The following SLC25A26 variants were observed in gnomAD, a reference collection of about 807,000 sequenced individuals.
The protein encoded by SLC25A26 is mitochondrial S-adenosylmethionine carrier protein.
In SLC25A26, 36 loss-of-function variants were observed where a neutral mutation model predicts 37.8. The ratio of observed to expected loss-of-function variants is 0.95; its 90% confidence interval spans 0.73 to 1.26. The LOEUF (loss-of-function observed/expected upper bound fraction) is 1.26, where lower values mean the gene tolerates loss of function less well. Among genes scored for constraint, SLC25A26 ranks in the 50% most tolerant of loss-of-function variants. SLC25A26 has a pLI of 0.00. For missense variants in SLC25A26, 390 were observed against 331.1 expected (o/e 1.18, Z -1.38); for synonymous variants, 129 against 122.5 (o/e 1.05, Z -0.35).
At chr3:66,273,697 G>T (rs924745057) in intron 5 of SLC25A26, among the ~76,000 whole-genome samples, 1 of 152,116 alleles carries the variant, frequency 6.6e-6, no homozygotes, top group Non-Finnish European at 1.5e-5. Flanking sequence ...TACAAGGGAC[G>T]TGAAGGACCT....
At chr3:66,192,265 G>A (rs922689699) in intron 1 of SLC25A26, among the ~76,000 whole-genome samples, 16,415 of 142,884 alleles carry the variant, frequency 0.11, 1,017 homozygotes, top group Middle Eastern at 0.19. Context: ...GCAGTGAGCC[G>A]AGATTGCACC....
At chr3:66,320,018 A>G (rs1361030876) in intron 5 of SLC25A26, among the ~76,000 whole-genome samples, 2 of 152,108 alleles carry the variant, frequency 1.3e-5, no homozygotes, top group Non-Finnish European at 2.9e-5. Context: ...AGTGCTGGAA[A>G]GCAATTTAAT....
At chr3:66,217,820 G>A (rs1245521217), upstream of SLC25A26, among the ~76,000 whole-genome samples, 1 of 152,220 alleles carries the variant, frequency 6.6e-6, no homozygotes, top group Non-Finnish European at 1.5e-5. Flanking sequence ...AAAGTGCTGA[G>A]ATTACAGGTA....
chr3:66,210,451 G>A (rs1262627083), intron 1 of SLC25A26, among the ~76,000 whole-genome samples: 1 of 152,112 alleles, frequency 6.6e-6, no homozygotes, highest in Non-Finnish European at 1.5e-5. Context: ...GAAGGATAAT[G>A]AGAAATGTGG....
At chr3:66,295,425 A>C in intron 5 of SLC25A26, among the ~76,000 whole-genome samples, 1 of 134,124 alleles carries the variant, frequency 7.5e-6, no homozygotes, top group East Asian at 2.2e-4. Flanking sequence ...TTTTTTTGAG[A>C]TGGAGTCTCG....
chr3:66,303,323 A>G (rs961202740), intron 5 of SLC25A26, among the ~76,000 whole-genome samples: 1 of 152,136 alleles, frequency 6.6e-6, no homozygotes, highest in African/African-American at 2.4e-5. Context: ...AGCCACCTTT[A>G]AGGAAAGACT....
chr3:66,338,199 T>C (rs2076133581), intron 5 of SLC25A26, among the ~76,000 whole-genome samples: 1 of 152,088 alleles, frequency 6.6e-6, no homozygotes, highest in African/African-American at 2.4e-5. Context: ...ATTGTATTAC[T>C]AATATTCCTT....
chr3:66,179,981 G>A (rs1308571607), intron 1 of SLC25A26, among the ~76,000 whole-genome samples: 5 of 152,134 alleles, frequency 3.3e-5, no homozygotes, highest in Non-Finnish European at 5.9e-5. Flanking sequence ...TAGATAGATT[G>A]ATGCTGGTAA....
intron 5 of SLC25A26, among the ~76,000 whole-genome samples, chr3:66,301,795 G>T (rs2075083466): frequency 6.6e-6 from 1 of 152,166 alleles, no homozygotes; most frequent in Non-Finnish European, 1.5e-5. Context: ...TGTGACGGGG[G>T]TAATTAGAAA....
intron 3 of SLC25A26, among the ~76,000 whole-genome samples, chr3:66,246,701 C>G (rs1490611052): frequency 6.6e-6 from 1 of 152,104 alleles, no homozygotes; most frequent in African/African-American, 2.4e-5. Context: ...TCTGTGGTCC[C>G]TGAGCTGGTA....
chr3:66,284,013 G>A (rs1191221954), intron 5 of SLC25A26, among the ~76,000 whole-genome samples: 2 of 151,906 alleles, frequency 1.3e-5, no homozygotes, highest in Admixed American at 1.3e-4. Flanking sequence ...ACTTTTTTAT[G>A]CTAAAATATT....
intron 5 of SLC25A26, among the ~76,000 whole-genome samples, chr3:66,282,022 T>TTTTTTTTG (rs2074360399): frequency 7.9e-6 from 1 of 127,242 alleles, no homozygotes; most frequent in Non-Finnish European, 1.7e-5. Context: ...TTTTTTTTTT[T>TTTTTTTTG]GAGACGGAGT....
At chr3:66,333,692 G>A (rs997254248) in intron 5 of SLC25A26, among the ~76,000 whole-genome samples, 1 of 152,112 alleles carries the variant, frequency 6.6e-6, no homozygotes, top group Non-Finnish European at 1.5e-5. Flanking sequence ...TCAAGGAGAT[G>A]TAGATGTTCT....
At chr3:66,327,229 A>G (rs180914850) in intron 5 of SLC25A26, among the ~76,000 whole-genome samples, 1 of 152,246 alleles carries the variant, frequency 6.6e-6, no homozygotes, top group Admixed American at 6.5e-5. Context: ...TATTTCATAA[A>G]TTGTAAAGTA....
rs866484581 is a variant in SLC25A26, at chr3:66,150,636, A to C, written c.-354+16652A>C. ...TATATATATATATATATATATATATATATATATATATATATATATCATGGC... is the reference window on the plus strand; with the variant it reads ...TATATATATATATATATATATATATCTATATATATATATATATATCATGGC... On this transcript the variant is annotated intron_variant, in intron 1 of 10. Transcript: ENST00000676754. 2.2e-5 allele frequency among the ~76,000 whole-genome samples: 2 copies of C among 89,914 alleles called. 1 individual carries two copies. The highest frequency in any genetic ancestry group is 8.6e-5 in the African/African-American group (2 of 23,258). 59.0% of individuals were successfully genotyped at this position (89,914 alleles called of 152,430 possible).
chr3:66,318,141 C>T (rs536613734), intron 5 of SLC25A26, among the ~76,000 whole-genome samples: 1 of 152,292 alleles, frequency 6.6e-6, no homozygotes, highest in South Asian at 2.1e-4. Flanking sequence ...CTGGCTTTAG[C>T]CCCCTTCCCA....
intron 1 of SLC25A26, among the ~76,000 whole-genome samples, chr3:66,206,415 A>C (rs2071177848): frequency 6.6e-6 from 1 of 152,190 alleles, no homozygotes; most frequent in Admixed American, 6.5e-5. Context: ...AAAGACTGCC[A>C]AGTACATAGA....
chr3:66,375,350 G>T (rs1700585402), intron 9 of SLC25A26, among the ~76,000 whole-genome samples: 1 of 152,144 alleles, frequency 6.6e-6, no homozygotes, highest in East Asian at 1.9e-4. Flanking sequence ...ATCGATGAAG[G>T]CACTAACACT....
chr3:66,247,777 A>G (rs983728971), intron 3 of SLC25A26, among the ~76,000 whole-genome samples: 2 of 152,188 alleles, frequency 1.3e-5, no homozygotes, highest in African/African-American at 4.8e-5. Context: ...GCTTATATAC[A>G]TATTACGCCT....
Sources: gnomAD v4.1 joint callset for allele counts (sites outside exome capture counted in the v4.1 genomes callset) on GRCh38, gnomAD v4.1.1 for gene constraint, MANE v1.5 for transcripts, NCBI Gene and HGNC (gene_info 2026-07-23, HGNC 2026-07-21) for gene names.